ERC1: variants seen among roughly 807,000 people sequenced by gnomAD.
The protein encoded by ERC1 is ELKS/RAB6-interacting/CAST family member 1, also known as RAB6 interacting protein 2.
Under a neutral mutation model 132.0 loss-of-function variants are expected in ERC1, and 56 were observed. The observed-to-expected ratio is 0.42, with a 90% CI of 0.34 to 0.53. ERC1 has a LOEUF of 0.53. Ranked by LOEUF, ERC1 falls within the 20% of genes least tolerant of loss-of-function variation. The pLI is 0.03. For synonymous variants in ERC1, 478 were observed against 476.1 expected (o/e 1.00, Z -0.05); for missense variants, 1,202 against 1,349.9 (o/e 0.89, Z 1.72).
At chr12:1,436,439 A>G (rs942717146) in intron 17 of ERC1, among the ~76,000 whole-genome samples, 1 of 152,140 alleles carries the variant, frequency 6.6e-6, no homozygotes, top group Non-Finnish European at 1.5e-5. Context: ...TTGAGATGCT[A>G]TCAAGGTCAG....
At chr12:1,328,972 A>T (rs2082665633) in intron 15 of ERC1, among the ~76,000 whole-genome samples, 1 of 131,604 alleles carries the variant, frequency 7.6e-6, no homozygotes, top group African/African-American at 3.2e-5. Flanking sequence ...ATAAATGTCT[A>T]TTTAAAAGTT....
chr12:1,472,530 G>C (rs1037544484), intron 18 of ERC1, among the ~76,000 whole-genome samples: 8 of 151,918 alleles, frequency 5.3e-5, no homozygotes, highest in African/African-American at 1.9e-4. Context: ...TTTCGCTGTA[G>C]TCCCAGCCAC....
intron 7 of ERC1, among the ~76,000 whole-genome samples, chr12:1,139,487 G>A (rs1470419848): frequency 6.6e-6 from 1 of 152,156 alleles, no homozygotes; most frequent in Non-Finnish European, 1.5e-5. Flanking sequence ...TAAATTAAAT[G>A]TTATTATGTA....
chr12:1,141,767 G>T lies in ERC1; in HGVS notation c.1717G>T (p.Val573Phe). The T allele has an allele frequency of 2.5e-6, 4 of 1,604,202 alleles. No homozygotes were observed. Among genetic ancestry groups the T allele is most frequent in the Non-Finnish European group, 3.4e-6 (4 of 1,175,294 alleles). ...CATGTTGGATGTGAAGGAGCGGAAG[G>T]TTAATGTTCTTCAGAAGAAGGTAAG... is the stretch of plus-strand genomic sequence containing the variant. ...KDMLDVKERK[V>F]NVLQKKIENL... Residue 573 changes from valine (V) to phenylalanine (F), a missense_variant, in exon 8 of 19, where the codon GTT becomes TTT. By Grantham distance (50) the Val-to-Phe change is conservative (BLOSUM62 -1). Coordinates refer to ENST00000360905, the MANE Select transcript of ERC1 (RefSeq NM_178040.4).
At chr12:1,263,961 A>T (rs1455396999) in intron 14 of ERC1, among the ~76,000 whole-genome samples, 1 of 151,938 alleles carries the variant, frequency 6.6e-6, no homozygotes, top group Non-Finnish European at 1.5e-5. Flanking sequence ...AAGTGCTGGG[A>T]TTACAGGCGT....
At chr12:1,467,778 T>A (rs548497684) in intron 18 of ERC1, among the ~76,000 whole-genome samples, 1 of 152,280 alleles carries the variant, frequency 6.6e-6, no homozygotes, top group South Asian at 2.1e-4. Flanking sequence ...ACTGTCCCAT[T>A]TGGGAGTGAT....
chr12:1,126,370 TA>T, intron 7 of ERC1, among the ~76,000 whole-genome samples: 1 of 151,450 alleles, frequency 6.6e-6, no homozygotes, highest in East Asian at 2.0e-4. Context: ...TGTGGAGAGA[TA>T]GTCAGTCATA....
chr12:1,054,733 A>G (rs920684947), intron 2 of ERC1, among the ~76,000 whole-genome samples: 1 of 152,260 alleles, frequency 6.6e-6, no homozygotes, highest in South Asian at 2.1e-4. Flanking sequence ...TCAGTCTGTC[A>G]ATACATATTT....
chr12:1,233,526 G>A (rs901607659), intron 12 of ERC1, among the ~76,000 whole-genome samples: 2 of 148,840 alleles, frequency 1.3e-5, no homozygotes, highest in Admixed American at 1.3e-4. Context: ...ATTATATGCT[G>A]TCAGATGTGA....
At chr12:1,223,606 A>G (rs900898485) in intron 12 of ERC1, among the ~76,000 whole-genome samples, 2 of 152,176 alleles carry the variant, frequency 1.3e-5, no homozygotes, top group Non-Finnish European at 2.9e-5. Context: ...TAAAAATTCA[A>G]CTACTATTTT....
chr12:1,359,766 T>C (rs1173170291), intron 15 of ERC1, among the ~76,000 whole-genome samples: 1 of 152,208 alleles, frequency 6.6e-6, no homozygotes, highest in Non-Finnish European at 1.5e-5. Context: ...TTGTTTTCCT[T>C]TCTGTTATAA....
intron 7 of ERC1, among the ~76,000 whole-genome samples, chr12:1,119,505 T>G (rs1427774845): frequency 6.7e-6 from 1 of 149,140 alleles, no homozygotes; most frequent in Non-Finnish European, 1.5e-5. Flanking sequence ...TTACTTTACT[T>G]CTTCTTTGTG....
intron 1 of ERC1, among the ~76,000 whole-genome samples, chr12:1,000,546 CTTAAA>C (rs574650591): frequency 2.4e-4 from 36 of 150,734 alleles, no homozygotes; most frequent in African/African-American, 7.8e-4. Context: ...TTTGTGTGAA[CTTAAA>C]TTAAGTGTCT....
At chr12:1,100,829 T>A (rs1026014941) in intron 3 of ERC1, among the ~76,000 whole-genome samples, 1 of 152,114 alleles carries the variant, frequency 6.6e-6, no homozygotes, top group Non-Finnish European at 1.5e-5. Context: ...TTGGGAGTTA[T>A]CAGTATGTGC....
chr12:1,274,475 T>TTTTA (rs1555340333), intron 14 of ERC1, among the ~76,000 whole-genome samples: 5 of 146,476 alleles, frequency 3.4e-5, no homozygotes, highest in African/African-American at 1.3e-4. Flanking sequence ...TTTTATTTTA[T>TTTTA]TTTATTTTAT....
chr12:1,252,321 G>T (rs1271462940), intron 13 of ERC1, among the ~76,000 whole-genome samples: 1 of 152,146 alleles, frequency 6.6e-6, no homozygotes, highest in Non-Finnish European at 1.5e-5. Context: ...GGCCACATCA[G>T]TTGTCTGTTA....
At chr12:1,468,707 A>G (rs995094987) in intron 18 of ERC1, among the ~76,000 whole-genome samples, 1 of 152,114 alleles carries the variant, frequency 6.6e-6, no homozygotes, top group Non-Finnish European at 1.5e-5. Context: ...TCACTGTTCT[A>G]CTGTTATTTT....
intron 15 of ERC1, among the ~76,000 whole-genome samples, chr12:1,352,693 C>G (rs2154367152): frequency 6.6e-6 from 1 of 150,828 alleles, no homozygotes; most frequent in South Asian, 2.1e-4. Context: ...TACACTTGTC[C>G]ATGCACATAG....
intron 2 of ERC1, among the ~76,000 whole-genome samples, chr12:1,030,434 T>C (rs949722527): frequency 1.3e-5 from 2 of 152,120 alleles, no homozygotes; most frequent in African/African-American, 4.8e-5. Context: ...GATTACAATA[T>C]AGTGTTAGCC....
Sources: gnomAD v4.1 joint callset for allele counts (sites outside exome capture counted in the v4.1 genomes callset) on GRCh38, gnomAD v4.1.1 for gene constraint, MANE v1.5 for transcripts, NCBI Gene and HGNC (gene_info 2026-07-23, HGNC 2026-07-21) for gene names.